Variants in RYR1 observed in about 807,000 individuals in gnomAD.
The protein encoded by RYR1 is ryanodine receptor 1.
A neutral mutation model predicts 583.5 loss-of-function variants in RYR1; 342 were observed. That is an observed-to-expected ratio of 0.59 (90% CI 0.54 to 0.64). The LOEUF (loss-of-function observed/expected upper bound fraction) is 0.64. RYR1 is among the 30% of genes least tolerant of loss of function. The pLI is 0.00. For synonymous variants in RYR1, 2,791 were observed against 2,822.5 expected (o/e 0.99, Z 0.35); for missense variants, 6,032 against 6,917.2 (o/e 0.87, Z 4.54).
intron 76 of RYR1, among the ~76,000 whole-genome samples, chr19:38,530,987 C>CTCTTTTT (rs773883038): frequency 7.7e-6 from 1 of 129,378 alleles, no homozygotes; most frequent in African/African-American, 2.9e-5. Context: ...TTTTCTTTCT[C>CTCTTTTT]TTTTTTTTTT....
chr19:38,439,479 G>A (rs1041212158), intron 1 of RYR1, among the ~76,000 whole-genome samples: 2 of 152,016 alleles, frequency 1.3e-5, no homozygotes, highest in Non-Finnish European at 2.9e-5. Context: ...GATTACAGGC[G>A]TGAGCCACCG....
At chr19:38,531,210 CG>C (rs141702513) in intron 76 of RYR1, among the ~76,000 whole-genome samples, 62 of 152,032 alleles carry the variant, frequency 4.1e-4, no homozygotes, top group African/African-American at 1.4e-3. Flanking sequence ...AAGGCCATCT[CG>C]GGCTGCAAGG....
At position 38,485,814 on chromosome 19, in the gene RYR1, A is replaced by G. The variant is rs1248362080; in HGVS notation, c.5159A>G (p.Glu1720Gly). The change falls in exon 34 of 106, where the codon GAA (glutamate) becomes GGA (glycine). Residue 1720 changes from glutamate (E) to glycine (G), a missense_variant. Around this residue, in one of 11 missense-constraint regions of RYR1, gnomAD observed 2,627 missense variants for 2,961.3 expected, o/e 0.89. Transcript: ENST00000359596. ...YYDLLISIHLESACRSRRSML... is the reference protein window; with the variant it reads ...YYDLLISIHLGSACRSRRSML... The stretch of plus-strand genomic sequence containing the variant: ...GACCTCCTCATCAGCATCCACCTCG[A>G]AAGTGCCTGCCGCAGCCGCCGCTCC... 8.7e-6 allele frequency: 14 copies of G among 1,613,334 alleles called. No homozygotes were observed. The highest frequency in any genetic ancestry group is 1.1e-5 in the Non-Finnish European group (13 of 1,179,996).
rs748676912 is a variant in RYR1 at position 38,466,140 on chromosome 19, G to A, written c.2920G>A (p.Val974Met). The A allele has an allele frequency of 4.7e-5, 76 of 1,613,316 alleles. No homozygotes were observed. The highest frequency in any genetic ancestry group is 1.7e-4 in the Middle Eastern group (1 of 6,060). ...YKPAPLDLSH[V>M]RLTPAQTTLV... ...GCCGGCTCCGCTGGACCTGAGCCAC[G>A]TGCGGCTGACGCCGGCGCAGACGAC... is the stretch of plus-strand genomic sequence containing the variant. Residue 974 changes from valine (V) to methionine (M), a missense_variant, in exon 24 of 106, where the codon GTG becomes ATG. Val to Met is a conservative substitution (Grantham distance 21). Coordinates refer to ENST00000359596, the MANE Select transcript of RYR1 (RefSeq NM_000540.3).
chr19:38,463,658 T>G (rs1327794591), intron 21 of RYR1, 89 bp from the exon 22 acceptor site: 12 of 1,475,400 alleles, frequency 8.1e-6, no homozygotes. Flanking sequence ...GTGGCAGAAC[T>G]AGGGTTGGAG....
chr19:38,586,960 T>A (rs1974518982), intron 105 of RYR1, among the ~76,000 whole-genome samples: 1 of 148,792 alleles, frequency 6.7e-6, no homozygotes, highest in South Asian at 2.1e-4. Context: ...GACAGAGCGA[T>A]ACTCCATCTC....
chr19:38,455,973 T>G (rs933421730), intron 16 of RYR1, among the ~76,000 whole-genome samples: 1 of 100,790 alleles, frequency 9.9e-6, no homozygotes, highest in East Asian at 4.5e-4. Flanking sequence ...AAATGTTTTT[T>G]TTTTTTTTTT....
chr19:38,528,276 G>C, intron 73 of RYR1, 30 bp from the exon 74 acceptor site: 1 of 1,584,934 alleles, frequency 6.3e-7, no homozygotes, highest in South Asian at 1.1e-5. Flanking sequence ...AGGGTCTGGG[G>C]ATGTGACTGT....
At chr19:38,462,498 A>C (rs1967807815) in intron 20 of RYR1, among the ~76,000 whole-genome samples, 1 of 148,202 alleles carries the variant, frequency 6.7e-6, no homozygotes, top group Non-Finnish European at 1.5e-5. Flanking sequence ...CATCCCCCCG[A>C]CCCCGCTTTC....
At chr19:38,569,041 C>G (rs546471715) in intron 93 of RYR1, among the ~76,000 whole-genome samples, 3 of 151,484 alleles carry the variant, frequency 2.0e-5, no homozygotes, top group Non-Finnish European at 4.4e-5. Flanking sequence ...GACGGAGTCT[C>G]GCTCTGTTGC....
intron 30 of RYR1, 67 bp from the exon 31 acceptor site, chr19:38,478,368 G>T: frequency 6.4e-7 from 1 of 1,571,094 alleles, no homozygotes; most frequent in Non-Finnish European, 8.7e-7. Context: ...GGAGCTTGGG[G>T]AAGGGGGTGT....
intron 73 of RYR1, 94 bp downstream of exon 73, chr19:38,527,878 CTA>C: frequency 8.1e-6 from 12 of 1,485,234 alleles, no homozygotes; most frequent in Admixed American, 3.6e-5. Flanking sequence ...CTGGAGATGA[CTA>C]TTAAGTTTTG....
At chr19:38,506,042 G>T in intron 54 of RYR1, 96 bp downstream of exon 54, 2 of 1,509,638 alleles carry the variant, frequency 1.3e-6, no homozygotes, top group Non-Finnish European at 1.8e-6. Flanking sequence ...AGAGGAGAGG[G>T]GCCCAGGGAG....
rs768702294 is a variant in RYR1, at chr19:38,502,647, C to G, written c.7755C>G (p.Thr2585=). ...RAIMVDSMLH[T]VYRLSRGRSL... ...TCATGGTGGACTCTATGCTGCATAC[C>G]GTGTACCGCCTGTCTCGGGGTCGTT... The change falls in exon 48 of 106, where the codon ACC becomes ACG. Residue 2585 remains threonine (T), a synonymous_variant. Coordinates refer to ENST00000359596, the MANE Select transcript of RYR1 (RefSeq NM_000540.3). 9.9e-6 allele frequency: 16 copies of G among 1,612,476 alleles called. No homozygotes were observed. Among genetic ancestry groups the G allele is most frequent in the Non-Finnish European group, 1.3e-5 (15 of 1,179,838 alleles).
In RYR1 at chr19:38,459,187, C is replaced by T. The variant is rs2145413617; in HGVS notation, c.2209C>T (p.Leu737=). 6.2e-7 allele frequency: 1 copy of T among 1,614,088 alleles called. No individual in the cohort carries two copies. The highest frequency in any genetic ancestry group is 8.5e-7 in the Non-Finnish European group (1 of 1,180,038). ...AGTGACTTCCCCAGGGCAGCACCTC[C>T]TGGCCCCTGAAGACGTGATCAGCTG... ...RPVTSPGQHL[L]APEDVISCCL... Residue 737 remains leucine, a synonymous_variant, in exon 19 of 106, where the codon CTG becomes TTG. Transcript: ENST00000359596.
At chr19:38,522,022 TAAA>T (rs1307405117) in intron 67 of RYR1, among the ~76,000 whole-genome samples, 2 of 152,124 alleles carry the variant, frequency 1.3e-5, no homozygotes, top group African/African-American at 4.8e-5. Context: ...GAAAAAATTT[TAAA>T]AAGTTTTTAG....
chr19:38,528,203 T>TAG (rs769229945), intron 73 of RYR1, 103 bp from the exon 74 acceptor site: 6 of 961,826 alleles, frequency 6.2e-6, no homozygotes, highest in Non-Finnish European at 1.0e-5. Flanking sequence ...GTGTGAGTCT[T>TAG]AACCTGAATA....
chr19:38,502,785 G>A (rs1970222186), intron 48 of RYR1, 58 bp downstream of exon 48: 2 of 880,052 alleles, frequency 2.3e-6, no homozygotes, highest in Non-Finnish European at 3.2e-6. Context: ...AGGGGCAGGG[G>A]CAGGGGCAGG....
chr19:38,582,185 G>T (rs1974244975), intron 101 of RYR1, among the ~76,000 whole-genome samples: 1 of 151,732 alleles, frequency 6.6e-6, no homozygotes, highest in Non-Finnish European at 1.5e-5. Context: ...ATTACCTGAG[G>T]TTGGGAGTTT....
Sources: gnomAD v4.1 joint callset for allele counts (sites outside exome capture counted in the v4.1 genomes callset) on GRCh38, gnomAD v4.1.1 for gene constraint, gnomAD v4.1.1 regional missense constraint, MANE v1.5 for transcripts, NCBI Gene and HGNC (gene_info 2026-07-23, HGNC 2026-07-21) for gene names.